The following PRKCA variants were observed in gnomAD, a reference collection of about 807,000 sequenced individuals.
PRKCA encodes the protein protein kinase C alpha type.
A neutral mutation model predicts 87.0 loss-of-function variants in PRKCA; 27 were observed. The ratio of observed to expected loss-of-function variants is 0.31; its 90% CI spans 0.23 to 0.43. The LOEUF (loss-of-function observed/expected upper bound fraction) is 0.43, where lower values mean the gene tolerates loss of function less well. Among genes scored for constraint, PRKCA ranks in the 20% least tolerant of loss-of-function variants. The pLI, the probability that PRKCA is intolerant of heterozygous loss-of-function variation, is 1.00. For synonymous variants in PRKCA, 329 were observed against 311.1 expected, an observed-to-expected ratio of 1.06 and a Z score of -0.61; for missense variants, 518 against 852.3, an observed-to-expected ratio of 0.61 and a Z score of 4.88.
chr17:66,557,854 T>C (rs1968549307), intron 3 of PRKCA, among the ~76,000 whole-genome samples: 1 of 152,328 alleles, frequency 6.6e-6, no homozygotes, highest in East Asian at 1.9e-4. Flanking sequence ...GAGCAGTGTT[T>C]TGAGCTCATA....
intron 8 of PRKCA, among the ~76,000 whole-genome samples, chr17:66,696,106 A>G (rs1972913964): frequency 6.6e-6 from 1 of 152,218 alleles, no homozygotes; most frequent in African/African-American, 2.4e-5. Flanking sequence ...GAATCATGGC[A>G]AACACCCGCT....
intron 2 of PRKCA, among the ~76,000 whole-genome samples, chr17:66,382,566 G>T (rs545951120): frequency 3.3e-5 from 5 of 152,274 alleles, no homozygotes; most frequent in South Asian, 2.1e-4. Flanking sequence ...CTCCCAAAGT[G>T]CTGGGATTAC....
intron 2 of PRKCA, among the ~76,000 whole-genome samples, chr17:66,392,371 A>G (rs1266460768): frequency 2.6e-5 from 4 of 152,226 alleles, no homozygotes; most frequent in Non-Finnish European, 4.4e-5. Flanking sequence ...TGCCATTTGC[A>G]TAGATACCGG....
intron 16 of PRKCA, among the ~76,000 whole-genome samples, chr17:66,800,396 C>T (rs1598956967): frequency 6.6e-6 from 1 of 152,140 alleles, no homozygotes; most frequent in Non-Finnish European, 1.5e-5. Context: ...AGGCGGAGCA[C>T]GAGCCCTTAA....
intron 3 of PRKCA, among the ~76,000 whole-genome samples, chr17:66,618,708 C>T (rs16959736): frequency 0.1 from 15,789 of 152,156 alleles, 1,473 homozygotes; most frequent in African/African-American, 0.25. Context: ...GTGACTCAAG[C>T]GATTTCGTAT....
intron 8 of PRKCA, among the ~76,000 whole-genome samples, chr17:66,702,159 C>CAT (rs1187688637): frequency 6.6e-6 from 1 of 151,802 alleles, no homozygotes; most frequent in Non-Finnish European, 1.5e-5. Context: ...TACACACACA[C>CAT]ATATATACAT....
intron 3 of PRKCA, among the ~76,000 whole-genome samples, chr17:66,579,545 A>G (rs1969353876): frequency 6.6e-6 from 1 of 152,174 alleles, no homozygotes; most frequent in Non-Finnish European, 1.5e-5. Flanking sequence ...CCCACTGCAC[A>G]CATGTGAAAA....
In PRKCA at chr17:66,354,270, G is replaced by A. The variant is rs915276012; in HGVS notation, c.205+48143G>A. Reference sequence around the variant, plus strand: ...TCAAACTTAAGAAAGAATTATTTTTGTTATGAGTCATGTACATTTAGGGTT... The same window carrying A: ...TCAAACTTAAGAAAGAATTATTTTTATTATGAGTCATGTACATTTAGGGTT... On this transcript the variant is annotated intron_variant, in intron 2 of 16. Coordinates refer to ENST00000413366, the MANE Select transcript of PRKCA (RefSeq NM_002737.3). 2.6e-5 allele frequency among the ~76,000 whole-genome samples: 4 copies of A among 152,122 alleles called. No individual in the cohort carries two copies. In the South Asian group the frequency reaches 8.3e-4, roughly 32 times the overall value.
chr17:66,695,658 C>A (rs904235546), intron 8 of PRKCA, among the ~76,000 whole-genome samples: 1 of 152,194 alleles, frequency 6.6e-6, no homozygotes, highest in Admixed American at 6.5e-5. Context: ...CTTACTGTAA[C>A]CGTAACTTTT....
chr17:66,557,077 A>T (rs1968518182), intron 3 of PRKCA, among the ~76,000 whole-genome samples: 1 of 152,130 alleles, frequency 6.6e-6, no homozygotes, highest in Non-Finnish European at 1.5e-5. Flanking sequence ...CCAAGTGACC[A>T]CCTTCCCCTT....
intron 2 of PRKCA, among the ~76,000 whole-genome samples, chr17:66,448,435 C>G (rs891458022): frequency 6.6e-6 from 1 of 152,144 alleles, no homozygotes; most frequent in African/African-American, 2.4e-5. Context: ...TTCTTGAGCC[C>G]TATTAGGCTC....
chr17:66,548,797 C>T (rs573316832), intron 3 of PRKCA, among the ~76,000 whole-genome samples: 30 of 125,798 alleles, frequency 2.4e-4, no homozygotes, highest in Non-Finnish European at 4.1e-4. Context: ...CTACCGAATA[C>T]GTTTCGGCAA....
intron 3 of PRKCA, among the ~76,000 whole-genome samples, chr17:66,541,534 C>T (rs567802906): frequency 1.3e-5 from 2 of 151,748 alleles, no homozygotes; most frequent in Non-Finnish European, 3.0e-5. Flanking sequence ...AATAGAGGCT[C>T]ATCCAGAGGC....
At chr17:66,363,712 G>A (rs12952900) in intron 2 of PRKCA, among the ~76,000 whole-genome samples, 41 of 81,718 alleles carry the variant, frequency 5.0e-4, no homozygotes, top group African/African-American at 1.5e-3. Flanking sequence ...TTATTTATTT[G>A]TTTGTTTTGA....
At chr17:66,690,862 G>T (rs1425759168) in intron 8 of PRKCA, among the ~76,000 whole-genome samples, 6 of 147,424 alleles carry the variant, frequency 4.1e-5, no homozygotes. Context: ...ATTTAGAGCT[G>T]TCCGGATGTG....
chr17:66,337,742 T>C (rs1025998663), intron 2 of PRKCA, among the ~76,000 whole-genome samples: 1 of 152,186 alleles, frequency 6.6e-6, no homozygotes, highest in Non-Finnish European at 1.5e-5. Flanking sequence ...TTTAAACTTT[T>C]AATAATATAC....
At chr17:66,691,761 AG>A (rs888928427) in intron 8 of PRKCA, among the ~76,000 whole-genome samples, 14 of 111,894 alleles carry the variant, frequency 1.3e-4, no homozygotes, top group African/African-American at 3.6e-4. Flanking sequence ...TCACTGGGTC[AG>A]GGGCTGTTGA....
intron 3 of PRKCA, among the ~76,000 whole-genome samples, chr17:66,545,290 G>C (rs545624478): frequency 6.6e-6 from 1 of 152,138 alleles, no homozygotes; most frequent in African/African-American, 2.4e-5. Flanking sequence ...TTAGCCAGGC[G>C]TGGTGGCGGG....
At chr17:66,414,012 CAA>C (rs5821528) in intron 2 of PRKCA, among the ~76,000 whole-genome samples, 557 of 118,284 alleles carry the variant, frequency 4.7e-3, no homozygotes, top group Admixed American at 7.8e-3. Context: ...GACTGCATCT[CAA>C]AAAAAAAAAA....
Sources: allele counts gnomAD v4.1 joint callset (sites outside exome capture counted in the v4.1 genomes callset), GRCh38; gene constraint gnomAD v4.1.1; transcripts MANE v1.5; gene names NCBI Gene and HGNC (gene_info 2026-07-23, HGNC 2026-07-21).